The following TCERG1 variants were observed in gnomAD, a reference collection of about 807,000 sequenced individuals.
The protein encoded by TCERG1 is TATA box binding protein (TBP)-associated factor, RNA polymerase II, S, 150kD.
In TCERG1, 37 loss-of-function variants were observed where a neutral mutation model predicts 144.7. The observed-to-expected ratio is 0.26, with a 90% CI of 0.20 to 0.34. The LOEUF (loss-of-function observed/expected upper bound fraction) is 0.34. Among genes scored for constraint, TCERG1 ranks in the 10% least tolerant of loss-of-function variants. The pLI, the probability that TCERG1 is intolerant of heterozygous loss-of-function variation, is 1.00. For synonymous variants in TCERG1, 492 were observed against 458.2 expected, an observed-to-expected ratio of 1.07 and a Z score of -0.94; for missense variants, 1,027 against 1,380.7, an observed-to-expected ratio of 0.74 and a Z score of 4.06.
chr5:146,492,745 G>A, intron 15 of TCERG1, 175 bp from the exon 16 acceptor site: 1 of 462,150 alleles, frequency 2.2e-6, no homozygotes, highest in Non-Finnish European at 3.9e-6. Context: ...GTGTGCTTGT[G>A]TAATATCTCA....
rs200001123 is a variant in TCERG1, at chr5:146,478,676, A to T, written c.1762+23A>T. 12 of 1,549,648 alleles carry T rather than the reference A, an allele frequency of 7.7e-6. 1 individual carries two copies. The highest frequency in any genetic ancestry group is 3.5e-4 in the Middle Eastern group (2 of 5,758). On this transcript the variant is annotated intron_variant, in intron 10 of 22. Coordinates refer to ENST00000679501, the MANE Select transcript of TCERG1 (RefSeq NM_001382548.1). ...TAAGTAAGTTTTAAATTAGGAATTTATCCACTGATTTTAACATTCTTTTCA... is the reference window on the plus strand; with the variant it reads ...TAAGTAAGTTTTAAATTAGGAATTTTTCCACTGATTTTAACATTCTTTTCA...
chr5:146,490,484 C>T (rs938461403), intron 15 of TCERG1, among the ~76,000 whole-genome samples: 3 of 152,200 alleles, frequency 2.0e-5, no homozygotes, highest in Non-Finnish European at 1.5e-5. Flanking sequence ...AATTGTTTGG[C>T]TAGCTAAAGG....
intron 2 of TCERG1, 132 bp downstream of exon 2, chr5:146,455,413 A>G (rs1762741814): frequency 7.9e-6 from 8 of 1,010,504 alleles, no homozygotes; most frequent in Non-Finnish European, 5.7e-6. Flanking sequence ...GAAGATCCAT[A>G]TATTAATATG....
At chr5:146,477,692 C>CTTTTTTTT (rs1168989847) in intron 9 of TCERG1, among the ~76,000 whole-genome samples, 13 of 79,380 alleles carry the variant, frequency 1.6e-4, no homozygotes, top group African/African-American at 3.0e-4. Flanking sequence ...TGGTACTTTA[C>CTTTTTTTT]TTTTTTTTTT....
chr5:146,505,200 C>T (rs557503645), intron 19 of TCERG1, among the ~76,000 whole-genome samples: 4 of 152,102 alleles, frequency 2.6e-5, no homozygotes, highest in Admixed American at 6.5e-5. Flanking sequence ...CTGTGGGCCA[C>T]GGGTTGGAAA....
At chr5:146,486,082 A>T (rs930770045) in intron 15 of TCERG1, among the ~76,000 whole-genome samples, 5 of 151,702 alleles carry the variant, frequency 3.3e-5, no homozygotes, top group East Asian at 2.0e-4. Flanking sequence ...GCATTTAAAA[A>T]TAAACACGTT....
At chr5:146,501,830 C>G (rs1767475233) in intron 17 of TCERG1, among the ~76,000 whole-genome samples, 1 of 150,704 alleles carries the variant, frequency 6.6e-6, no homozygotes, top group South Asian at 2.1e-4. Flanking sequence ...ATTTCTGATG[C>G]AGATATTCTG....
chr5:146,487,875 A>G (rs1383955384), intron 15 of TCERG1, among the ~76,000 whole-genome samples: 1 of 152,132 alleles, frequency 6.6e-6, no homozygotes, highest in Non-Finnish European at 1.5e-5. Context: ...AGTAACTAAA[A>G]CAGTACGGTA....
intron 4 of TCERG1, among the ~76,000 whole-genome samples, chr5:146,460,679 A>G (rs1289489444): frequency 1.3e-5 from 2 of 152,238 alleles, no homozygotes; most frequent in African/African-American, 4.8e-5. Flanking sequence ...GAAGCAGTCA[A>G]GTAAGGTACA....
intron 15 of TCERG1, 21 bp from the exon 16 acceptor site, chr5:146,492,899 A>T (rs993672526): frequency 6.4e-7 from 1 of 1,562,972 alleles, no homozygotes; most frequent in South Asian, 1.1e-5. Flanking sequence ...GACTTGTCAA[A>T]TTTGTTGATT....
Position 146,507,917 on chromosome 5 carries a change from G to A in TCERG1, c.3006G>A (p.Lys1002=). ...STWKEVKKII[K]EDPRCIKFSS... ...GGAAAGAAGTAAAAAAAATCATTAA[G>A]GAAGATCCTCGATGTATTAAGTTCT... Residue 1002 remains lysine (K), a synonymous_variant, in exon 21 of 23, where the codon AAG becomes AAA. Transcript: ENST00000679501. The surrounding 1 kb of genome is among the most constrained non-coding windows in gnomAD (Gnocchi z 4.6). 1 of 1,611,320 alleles carries A rather than the reference G, an allele frequency of 6.2e-7. No homozygotes were observed. The highest frequency in any genetic ancestry group is 8.5e-7 in the Non-Finnish European group (1 of 1,178,754).
At chr5:146,501,311 C>T (rs1767425908) in intron 17 of TCERG1, among the ~76,000 whole-genome samples, 1 of 150,882 alleles carries the variant, frequency 6.6e-6, no homozygotes, top group Admixed American at 6.6e-5. Context: ...ATTTTTTTGA[C>T]ATTTATGCAG....
chr5:146,485,986 C>T lies in TCERG1; in HGVS notation c.2163+2357C>T, dbSNP rs183139521. ...TTGGGATTACAGGCGTGAGCCACCACGCCTGGCCTTTCATGGCTTTTAAAT... is the reference window on the plus strand; with the variant it reads ...TTGGGATTACAGGCGTGAGCCACCATGCCTGGCCTTTCATGGCTTTTAAAT... On this transcript the variant is annotated intron_variant, in intron 15 of 22. Coordinates refer to ENST00000679501, the MANE Select transcript of TCERG1 (RefSeq NM_001382548.1). Among the ~76,000 whole-genome samples, 56 of 152,368 alleles carry T rather than the reference C, an allele frequency of 3.7e-4. 1 individual carries two copies. The East Asian group carries it at 4.2e-3, about 12-fold the overall frequency.
In TCERG1 at chr5:146,503,808, G is replaced by GT. The variant is rs1356249818; in HGVS notation, c.2599-11dup. 4.7e-5 allele frequency: 74 copies of GT among 1,570,490 alleles called. No homozygotes were observed. The highest frequency in any genetic ancestry group is 6.3e-5 in the Non-Finnish European group (73 of 1,165,250). Reference sequence around the variant, plus strand: ...TGGAGTTGGTAAGAAGGATAATGTAGTTTTTGCTTTTACAGAATTTAGACT... The same window carrying GT: ...TGGAGTTGGTAAGAAGGATAATGTAGTTTTTTGCTTTTACAGAATTTAGACT... On this transcript the variant is annotated splice_polypyrimidine_tract_variant and intron_variant, in intron 18 of 22. Transcript: ENST00000679501.
chr5:146,475,294 G>A (rs1008744888), intron 9 of TCERG1, among the ~76,000 whole-genome samples: 2 of 152,112 alleles, frequency 1.3e-5, no homozygotes, highest in African/African-American at 4.8e-5. Context: ...GATCAGATTC[G>A]GATTTAATCT....
chr5:146,454,267 C>T (rs796286355), intron 1 of TCERG1, among the ~76,000 whole-genome samples: 6 of 151,888 alleles, frequency 4.0e-5, no homozygotes, highest in African/African-American at 1.4e-4. Context: ...ATACTTTCCT[C>T]GTTGTTAGAT....
intron 21 of TCERG1, among the ~76,000 whole-genome samples, 181 bp from the exon 22 acceptor site, chr5:146,508,964 C>G (rs1052358624): frequency 1.3e-5 from 2 of 152,106 alleles, no homozygotes; most frequent in African/African-American, 4.8e-5. Flanking sequence ...AAAAATGAGC[C>G]TTGCAAATTG....
chr5:146,455,191 G>A lies in TCERG1; in HGVS notation c.195G>A (p.Pro65=), dbSNP rs769859634. The change falls in exon 2 of 23, where the codon CCG becomes CCA. Residue 65 remains proline (P), a synonymous_variant. Coordinates refer to ENST00000679501, the MANE Select transcript of TCERG1 (RefSeq NM_001382548.1). The part of the protein sequence containing the change: ...MMRGPPPPPR[P]PFGRPPFDPN... ...GAGGCCCTCCTCCACCACCACGGCC[G>A]CCCTTTGGACGTCCTCCTTTTGATC... 1.2e-5 allele frequency: 19 copies of A among 1,614,020 alleles called. No individual in the cohort carries two copies. In the East Asian group the frequency reaches 1.3e-4, roughly 11 times the overall value.
Position 146,470,739 on chromosome 5 carries a change from G to C in TCERG1, c.1503G>C (p.Glu501Asp). 1 of 1,610,258 alleles carries C rather than the reference G, an allele frequency of 6.2e-7. No individual in the cohort carries two copies. The highest frequency in any genetic ancestry group is 1.3e-5 in the African/African-American group (1 of 74,702). ...ATCCTAAAGAAGAGCCTATAAAGGA[G>C]ATAAAGGAGGTAAAGGGCCATGACC... ...EEDPKEEPIK[E>D]IKEEPKEEEM... Residue 501 changes from glutamate (E) to aspartate (D), a missense_variant, in exon 8 of 23, where the codon GAG (glutamate) becomes GAC (aspartate). Physicochemically the swap from Glu to Asp is conservative, Grantham distance 45 (BLOSUM62 2). This residue lies in a region of TCERG1 where 482 missense variants were observed against 632.6 expected (regional missense o/e 0.76). Transcript: ENST00000679501.
Sources: gnomAD v4.1 joint callset for allele counts (sites outside exome capture counted in the v4.1 genomes callset) on GRCh38, gnomAD v4.1.1 for gene constraint, gnomAD v4.1.1 regional missense constraint, Gnocchi (gnomAD v3.1) non-coding constraint, MANE v1.5 for transcripts, NCBI Gene and HGNC (gene_info 2026-07-23, HGNC 2026-07-21) for gene names.